The following RAB33A variants were observed in gnomAD, a reference collection of about 807,000 sequenced individuals.
RAB33A encodes ras-related protein Rab-33A.
RAB33A carries 6 observed loss-of-function variants against 12.0 expected under a neutral mutation model. That is an observed-to-expected ratio of 0.50 (90% CI 0.27 to 0.99). The LOEUF is 0.99. RAB33A is among the 50% of genes least tolerant of loss of function. The pLI is 0.11. For synonymous variants in RAB33A, 70 were observed against 82.4 expected, an observed-to-expected ratio of 0.85 and a Z score of 0.81; for missense variants, 109 against 192.0, an observed-to-expected ratio of 0.57 and a Z score of 2.55.
At chrX:130,150,977 C>CAAAA in the RAB33A span, among the ~76,000 whole-genome samples, 1 of 27,809 alleles carries the variant, frequency 3.6e-5, no homozygotes, top group African/African-American at 1.8e-4. Context: ...GACTCTGTCT[C>CAAAA]AAAAAAAAAA....
intron 1 of RAB33A, among the ~76,000 whole-genome samples, chrX:130,172,974 C>G (rs1244382010): frequency 9.0e-6 from 1 of 111,306 alleles, no homozygotes; most frequent in Non-Finnish European, 1.9e-5. Flanking sequence ...TGTAACAGCC[C>G]CCCTGGAATG....
the RAB33A span, among the ~76,000 whole-genome samples, chrX:130,150,326 CTTTTTTTTTTTTT>C: frequency 9.7e-5 from 6 of 61,649 alleles, no homozygotes; most frequent in African/African-American, 2.0e-4. Flanking sequence ...TTATTGGAGA[CTTTTTTTTTTTTT>C]TTTTTTTTTT....
the RAB33A span, among the ~76,000 whole-genome samples, chrX:130,141,065 G>A: frequency 2.7e-5 from 3 of 112,217 alleles, no homozygotes; most frequent in Admixed American, 1.9e-4. Context: ...GCAGTGAGCC[G>A]AGATCATGCC....
chrX:130,153,290 T>C, the RAB33A span, among the ~76,000 whole-genome samples: 1 of 97,320 alleles, frequency 1.0e-5, no homozygotes, highest in Non-Finnish European at 2.0e-5. Context: ...GAGGCGGACG[T>C]ATCAGTTAGC....
At chrX:130,178,655 T>A (rs145614262) in intron 1 of RAB33A, among the ~76,000 whole-genome samples, 5,830 of 108,589 alleles carry the variant, frequency 0.054, 222 homozygotes, top group African/African-American at 0.12. Flanking sequence ...TTAATTAATT[T>A]ATTTATTTAT....
chrX:130,156,314 C>T, the RAB33A span: 1 of 655,671 alleles, frequency 1.5e-6, no homozygotes, highest in African/African-American at 2.2e-5. Context: ...AGATATTAGG[C>T]AGCAGGCACT....
Position 130,184,420 on chromosome X carries a change from A to G in RAB33A, c.394A>G (p.Ile132Val), listed in dbSNP as rs781597040. The G allele has an allele frequency of 8.3e-7, 1 of 1,211,961 alleles. No homozygotes were observed. Among genetic ancestry groups the G allele is most frequent in the Admixed American group, 2.2e-5 (1 of 46,053 alleles). Residue 132 changes from isoleucine (I) to valine (V), a missense_variant, in exon 2 of 2, where the codon ATC (isoleucine) becomes GTC (valine). By Grantham distance (29) the Ile-to-Val change is conservative. Coordinates refer to ENST00000257017, the MANE Select transcript of RAB33A (RefSeq NM_004794.3). ...ATCTTTCACCAACCTCAAAATGTGGATCCAAGAATGCAATGGGCATGCTGT... is the reference window on the plus strand; with the variant it reads ...ATCTTTCACCAACCTCAAAATGTGGGTCCAAGAATGCAATGGGCATGCTGT... Reference protein sequence around the residue: ...MTSFTNLKMWIQECNGHAVPP... With the variant: ...MTSFTNLKMWVQECNGHAVPP...
chrX:130,136,253 G>A, the RAB33A span: 7 of 1,124,100 alleles, frequency 6.2e-6, no homozygotes, highest in Non-Finnish European at 8.5e-6. Flanking sequence ...GCGTAACAAT[G>A]GCCCTTCATG....
intron 1 of RAB33A, among the ~76,000 whole-genome samples, chrX:130,180,614 C>T (rs1353342117): frequency 9.2e-6 from 1 of 108,235 alleles, no homozygotes; most frequent in Non-Finnish European, 1.9e-5. Context: ...GCCACCACAC[C>T]CAGCTAATTT....
the RAB33A span, among the ~76,000 whole-genome samples, chrX:130,143,230 C>T: frequency 8.9e-6 from 1 of 111,964 alleles, no homozygotes; most frequent in Non-Finnish European, 1.9e-5. Context: ...TGATTCTCAG[C>T]TCTCTATCTG....
the RAB33A span, among the ~76,000 whole-genome samples, chrX:130,161,685 G>A: frequency 7.0e-5 from 7 of 99,432 alleles, no homozygotes; most frequent in South Asian, 5.3e-4. Context: ...TCGGTTCACC[G>A]CAACCTCCAC....
At chrX:130,177,013 G>C (rs1312045139) in intron 1 of RAB33A, among the ~76,000 whole-genome samples, 2 of 112,394 alleles carry the variant, frequency 1.8e-5, no homozygotes, top group East Asian at 5.6e-4. Context: ...CAGGGGGTTG[G>C]GGGCTTGCTG....
At chrX:130,111,827 C>T in the RAB33A span, among the ~76,000 whole-genome samples, 1 of 112,304 alleles carries the variant, frequency 8.9e-6, no homozygotes, top group Admixed American at 9.4e-5. Flanking sequence ...TCTGACCTGC[C>T]TCAACATCAA....
chrX:130,146,215 A>C, the RAB33A span, among the ~76,000 whole-genome samples: 1 of 111,579 alleles, frequency 9.0e-6, no homozygotes, highest in Non-Finnish European at 1.9e-5. Flanking sequence ...AGTTGGGAGG[A>C]TCACTTGAGG....
chrX:130,162,505 T>C, the RAB33A span, among the ~76,000 whole-genome samples: 3 of 112,262 alleles, frequency 2.7e-5, no homozygotes, highest in African/African-American at 9.7e-5. Context: ...CTCAAAAAGT[T>C]AGAACATTTC....
chrX:130,182,139 C>CA (rs1188540923), intron 1 of RAB33A, among the ~76,000 whole-genome samples: 479 of 30,456 alleles, frequency 0.016, 16 homozygotes, highest in South Asian at 0.039. Flanking sequence ...TCTGTCTCTA[C>CA]AAAAAAAAAA....
At chrX:130,165,778 T>C in the RAB33A span, 1 of 604,144 alleles carries the variant, frequency 1.7e-6, no homozygotes, top group Non-Finnish European at 2.8e-6. Flanking sequence ...CGCAGACTCC[T>C]CCTCCCAGCT....
At chrX:130,172,355 C>G in intron 1 of RAB33A, 35 bp downstream of exon 1, 1 of 1,169,316 alleles carries the variant, frequency 8.6e-7, no homozygotes, top group Non-Finnish European at 1.1e-6. Context: ...AAGGGTGGGA[C>G]CCGGGAGGGG....
chrX:130,171,939 GAC>G (rs745752854), upstream of RAB33A: 11,519 of 831,811 alleles, frequency 0.014, 68 homozygotes, highest in South Asian at 0.017. Context: ...CACACGGGCG[GAC>G]ACACACACAC....
Sources: gnomAD v4.1 joint callset for allele counts (sites outside exome capture counted in the v4.1 genomes callset) on GRCh38, gnomAD v4.1.1 for gene constraint, MANE v1.5 for transcripts, NCBI Gene and HGNC (gene_info 2026-07-23, HGNC 2026-07-21) for gene names.